Variants in LRRTM4 observed in about 807,000 individuals in gnomAD.
The protein encoded by LRRTM4 is leucine-rich repeat transmembrane neuronal protein 4.
LRRTM4 carries 25 observed loss-of-function variants against 47.6 expected under a neutral mutation model. The ratio of observed to expected loss-of-function variants is 0.53; its 90% CI spans 0.38 to 0.73. The LOEUF is 0.73. Ranked by LOEUF, LRRTM4 falls within the 30% of genes least tolerant of loss-of-function variation. The probability of loss-of-function intolerance (pLI) is 0.00; values close to 1 mark genes in which losing one functional copy is unlikely to be tolerated. For synonymous variants in LRRTM4, 311 were observed against 269.5 expected, an observed-to-expected ratio of 1.15 and a Z score of -1.51; for missense variants, 638 against 713.4, an observed-to-expected ratio of 0.89 and a Z score of 1.20.
At chr2:76,940,836 C>G (rs575816617) in intron 3 of LRRTM4, among the ~76,000 whole-genome samples, 2 of 152,104 alleles carry the variant, frequency 1.3e-5, no homozygotes, top group East Asian at 3.9e-4. Context: ...ATAGCTTAGT[C>G]CTTGCAAAAA....
chr2:76,903,866 T>G (rs1375810218), intron 3 of LRRTM4, among the ~76,000 whole-genome samples: 1 of 152,162 alleles, frequency 6.6e-6, no homozygotes, highest in African/African-American at 2.4e-5. Flanking sequence ...TTATGTATAT[T>G]TTTTACTATA....
chr2:77,255,497 A>G (rs1326318156), intron 3 of LRRTM4, among the ~76,000 whole-genome samples: 1 of 152,070 alleles, frequency 6.6e-6, no homozygotes, highest in Non-Finnish European at 1.5e-5. Context: ...CAGAACATGT[A>G]TCAAATAGAT....
chr2:76,930,443 T>A (rs1347960046), intron 3 of LRRTM4, among the ~76,000 whole-genome samples: 2 of 152,330 alleles, frequency 1.3e-5, no homozygotes, highest in African/African-American at 4.8e-5. Context: ...TCTTCCTTTT[T>A]GCACATATTG....
intron 3 of LRRTM4, among the ~76,000 whole-genome samples, chr2:77,115,541 T>G (rs1249718197): frequency 1.3e-5 from 2 of 152,180 alleles, no homozygotes; most frequent in Non-Finnish European, 2.9e-5. Context: ...CTTCACAATT[T>G]ATGTTCTTCT....
chr2:77,028,347 A>G (rs529683178), intron 3 of LRRTM4, among the ~76,000 whole-genome samples: 3 of 152,336 alleles, frequency 2.0e-5, no homozygotes, highest in African/African-American at 7.2e-5. Flanking sequence ...ACCACTTAAA[A>G]ACATTAATCA....
At chr2:76,790,196 C>G (rs1270837575) in intron 3 of LRRTM4, among the ~76,000 whole-genome samples, 2 of 152,190 alleles carry the variant, frequency 1.3e-5, no homozygotes, top group South Asian at 2.1e-4. Context: ...CACTACACTT[C>G]TGTTCTAGGA....
At chr2:77,465,104 C>A (rs1487598452) in intron 3 of LRRTM4, among the ~76,000 whole-genome samples, 1 of 151,982 alleles carries the variant, frequency 6.6e-6, no homozygotes, top group Admixed American at 6.6e-5. Flanking sequence ...TATTGAAGTC[C>A]CACACTGTAA....
At chr2:76,794,418 T>C (rs1261967367) in intron 3 of LRRTM4, among the ~76,000 whole-genome samples, 3 of 152,200 alleles carry the variant, frequency 2.0e-5, no homozygotes, top group East Asian at 1.9e-4. Flanking sequence ...ACTAATCGGC[T>C]TTACCAGATA....
Position 77,518,615 on chromosome 2 carries a change from C to T in LRRTM4, c.1254G>A (p.Glu418=). The T allele has an allele frequency of 6.2e-7, 1 of 1,613,448 alleles. No individual in the cohort carries two copies. The highest frequency in any genetic ancestry group is 8.5e-7 in the Non-Finnish European group (1 of 1,179,658). Residue 418 remains glutamate (E), a synonymous_variant, in exon 3 of 4, where the codon GAG becomes GAA. Coordinates refer to ENST00000409884, the MANE Select transcript of LRRTM4 (RefSeq NM_001134745.3). ...FQIPGAEQEY[E]HVSFHKIIAG... ...CAATAATTTTGTGAAATGAAACATG[C>T]TCATACTCTTGCTCTGCGCCAGGAA... is the stretch of plus-strand genomic sequence containing the variant.
chr2:76,770,369 ACCATGTGGTGATTTTTACTTT>A (rs1405580541), intron 3 of LRRTM4, among the ~76,000 whole-genome samples: 1 of 152,136 alleles, frequency 6.6e-6, no homozygotes, highest in African/African-American at 2.4e-5. Flanking sequence ...ATCTGTATTG[ACCATGTGGTGATTTTTACTTT>A]CCAAAAATTG....
chr2:77,299,270 C>T (rs1440013903), intron 3 of LRRTM4, among the ~76,000 whole-genome samples: 3 of 79,406 alleles, frequency 3.8e-5, no homozygotes, highest in African/African-American at 6.5e-5. Context: ...CACACACACA[C>T]ACACACACAC....
At chr2:77,285,050 G>A (rs12466793) in intron 3 of LRRTM4, among the ~76,000 whole-genome samples, 29 of 151,818 alleles carry the variant, frequency 1.9e-4, no homozygotes, top group Non-Finnish European at 3.7e-4. Flanking sequence ...TATTCCTGGC[G>A]GTTCAGGATA....
intron 2 of LRRTM4, among the ~76,000 whole-genome samples, chr2:77,520,940 GT>G (rs1305443762): frequency 6.6e-6 from 1 of 151,764 alleles, no homozygotes; most frequent in Non-Finnish European, 1.5e-5. Flanking sequence ...ATGTGTTGCA[GT>G]TTCTTTTTTT....
chr2:77,238,278 TA>T (rs1163909516), intron 3 of LRRTM4, among the ~76,000 whole-genome samples: 6 of 152,144 alleles, frequency 3.9e-5, no homozygotes, highest in African/African-American at 1.2e-4. Flanking sequence ...TAAAATGTAT[TA>T]AAAAATAAGT....
intron 3 of LRRTM4, among the ~76,000 whole-genome samples, chr2:77,382,380 C>A (rs915251946): frequency 6.6e-6 from 1 of 152,038 alleles, no homozygotes; most frequent in Admixed American, 6.6e-5. Context: ...GCTACAGGCT[C>A]TGGATAAAGG....
chr2:77,096,294 G>A (rs1049155443), intron 3 of LRRTM4, among the ~76,000 whole-genome samples: 4 of 151,598 alleles, frequency 2.6e-5, no homozygotes, highest in South Asian at 2.1e-4. Context: ...AAAAACTGTC[G>A]TAATTTAAAT....
intron 3 of LRRTM4, among the ~76,000 whole-genome samples, chr2:76,827,572 G>C (rs1394992785): frequency 1.3e-5 from 2 of 151,790 alleles, no homozygotes; most frequent in Non-Finnish European, 2.9e-5. Flanking sequence ...TCATAGCATT[G>C]AAACATTTCT....
At chr2:76,999,403 C>CA (rs1477312244) in intron 3 of LRRTM4, among the ~76,000 whole-genome samples, 1 of 146,212 alleles carries the variant, frequency 6.8e-6, no homozygotes, top group Non-Finnish European at 1.5e-5. Context: ...CGTAGAGCTG[C>CA]AAAAAATGCT....
intron 3 of LRRTM4, among the ~76,000 whole-genome samples, chr2:77,496,728 G>A (rs1196365504): frequency 6.6e-6 from 1 of 151,734 alleles, no homozygotes; most frequent in Non-Finnish European, 1.5e-5. Context: ...TTTACAAAGT[G>A]TACTTGCCTG....
Sources: gnomAD v4.1 joint callset for allele counts (sites outside exome capture counted in the v4.1 genomes callset) on GRCh38, gnomAD v4.1.1 for gene constraint, MANE v1.5 for transcripts, NCBI Gene and HGNC (gene_info 2026-07-23, HGNC 2026-07-21) for gene names.